Variants in SLC18A1 observed in about 807,000 individuals in gnomAD.
SLC18A1 encodes chromaffin granule amine transporter.
A neutral mutation model predicts 53.7 loss-of-function variants in SLC18A1; 69 were observed. The observed-to-expected ratio is 1.28, with a 90% confidence interval of 1.06 to 1.57. SLC18A1 has a LOEUF of 1.57. Among genes scored for constraint, SLC18A1 ranks in the 40% most tolerant of loss-of-function variants. SLC18A1 has a pLI of 0.00. For synonymous variants in SLC18A1, 320 were observed against 248.1 expected, an observed-to-expected ratio of 1.29 and a Z score of -2.72; for missense variants, 932 against 668.1, an observed-to-expected ratio of 1.40 and a Z score of -4.35.
chr8:20,175,017 C>T (rs763394985), intron 4 of SLC18A1, among the ~76,000 whole-genome samples: 7 of 152,242 alleles, frequency 4.6e-5, no homozygotes, highest in Admixed American at 1.3e-4. Flanking sequence ...ATACTGAATG[C>T]GCAGCTCTGC....
rs373676006 is a variant in SLC18A1, at chr8:20,150,681, G to A, written c.1079C>T (p.Ala360Val). 1 of 1,613,990 alleles carries A rather than the reference G, an allele frequency of 6.2e-7. No individual in the cohort carries two copies. Among genetic ancestry groups the A allele is most frequent in the Non-Finnish European group, 8.5e-7 (1 of 1,179,954 alleles). ...LIGTNLFGVL[A>V]NKMGRWLCSL... is the part of the protein sequence containing the mutation. ...GGCTACATACCGACCCATCTTGTTG[G>A]CCAACACACCAAAGAGGTTGGTGCC... Residue 360 changes from alanine to valine, a missense_variant, in exon 11 of 16, where the codon GCC becomes GTC. Transcript: ENST00000276373.
rs547453413 is a variant in SLC18A1 at position 20,178,606 on chromosome 8, A to G, written c.489-113T>C. 22 of 753,016 alleles carry G rather than the reference A, an allele frequency of 2.9e-5. No individual in the cohort carries two copies. The South Asian group carries it at 3.7e-4, about 13-fold the overall frequency. 46.6% of individuals were successfully genotyped at this position (753,016 alleles called of 1,614,324 possible). On this transcript the variant is annotated intron_variant, in intron 3 of 15. Transcript: ENST00000276373. ...AATGCAGCTATTTGGGTGTATGGTA[A>G]AACATGCCTCTGAATGTAGTGTGGA...
chr8:20,166,330 T>TAC (rs200804981), intron 8 of SLC18A1, among the ~76,000 whole-genome samples: 15 of 77,986 alleles, frequency 1.9e-4, no homozygotes, highest in African/African-American at 7.9e-4. Flanking sequence ...TATATATATA[T>TAC]ACACCACCAG....
chr8:20,171,404 C>T lies in SLC18A1; in HGVS notation c.814+1G>A, dbSNP rs1375260858. 2 of 1,612,254 alleles carry T rather than the reference C, an allele frequency of 1.2e-6. No individual in the cohort carries two copies. Among genetic ancestry groups the T allele is most frequent in the Non-Finnish European group, 1.7e-6 (2 of 1,178,328 alleles). ...TGCTGGAGGCTCTGATGGTGACTTA[C>T]CTCCATCCAGTAGTGCCAGGAAGGC... is the stretch of plus-strand genomic sequence containing the variant. On this transcript the variant is annotated splice_donor_variant, in intron 7 of 15. Coordinates refer to ENST00000276373, the MANE Select transcript of SLC18A1 (RefSeq NM_003053.4). LOFTEE classifies it high-confidence loss of function.
chr8:20,171,042 T>C (rs7828538), intron 8 of SLC18A1, 61 bp downstream of exon 8: 295,211 of 1,529,986 alleles, frequency 0.19, 29,952 homozygotes, highest in Non-Finnish European at 0.2. Context: ...CAGGCATGCC[T>C]GGGTTCCTGC....
intron 5 of SLC18A1, among the ~76,000 whole-genome samples, chr8:20,174,015 G>GCCT: frequency 6.6e-6 from 1 of 150,816 alleles, no homozygotes; most frequent in Non-Finnish European, 1.5e-5. Context: ...TCCCACTTTA[G>GCCT]CCTCCCAAGT....
At chr8:20,149,353 C>A (rs895761418) in intron 12 of SLC18A1, among the ~76,000 whole-genome samples, 1 of 152,040 alleles carries the variant, frequency 6.6e-6, no homozygotes, top group African/African-American at 2.4e-5. Flanking sequence ...ACATGTATCA[C>A]TTCATATGCC....
In SLC18A1 at chr8:20,178,463, G is replaced by C. The variant is rs188888362; in HGVS notation, c.519C>G (p.Gly173=). Residue 173 remains glycine (G), a synonymous_variant, in exon 4 of 16, where the codon GGC becomes GGG. Transcript: ENST00000276373. The part of the protein sequence containing the change: ...RIGYHIPMFA[G]FVIMFLSTVM... Reference sequence around the variant, plus strand: ...CTGTGGAGAGAAACATGATAACAAAGCCAGCAAACATGGGGATATGATATC... The same window carrying C: ...CTGTGGAGAGAAACATGATAACAAACCCAGCAAACATGGGGATATGATATC... 1 of 1,608,924 alleles carries C rather than the reference G, an allele frequency of 6.2e-7. No homozygotes were observed. The highest frequency in any genetic ancestry group is 1.3e-5 in the African/African-American group (1 of 74,488).
chr8:20,171,866 T>G (rs1449981403), intron 6 of SLC18A1, among the ~76,000 whole-genome samples: 2 of 152,080 alleles, frequency 1.3e-5, no homozygotes, highest in Admixed American at 6.5e-5. Context: ...GTAGAGTATC[T>G]GGAGGGGAAG....
intron 10 of SLC18A1, 169 bp from the exon 11 acceptor site, chr8:20,150,913 C>T (rs2071536673): frequency 1.6e-6 from 1 of 615,968 alleles, no homozygotes. Flanking sequence ...GCCATAGGAC[C>T]CCCACACCTC....
intron 10 of SLC18A1, among the ~76,000 whole-genome samples, chr8:20,163,525 G>A (rs1353750456): frequency 1.3e-5 from 2 of 152,070 alleles, no homozygotes; most frequent in Non-Finnish European, 2.9e-5. Flanking sequence ...GCACTCAGAG[G>A]CAGACTACAC....
chr8:20,149,621 T>A (rs1306858295), intron 12 of SLC18A1, 55 bp downstream of exon 12: 2 of 1,394,720 alleles, frequency 1.4e-6, no homozygotes, highest in African/African-American at 2.8e-5. Context: ...TCTCTCTGTC[T>A]GTCTGTCTCT....
intron 11 of SLC18A1, 78 bp downstream of exon 11, chr8:20,150,588 T>A: frequency 8.1e-7 from 1 of 1,240,822 alleles, no homozygotes; most frequent in Admixed American, 1.7e-5. Flanking sequence ...TGGAAGCTGT[T>A]CATCATTCCA....
rs2071369420 is a variant in SLC18A1 at position 20,145,408 on chromosome 8, T to C, written c.*355A>G. The C allele has an allele frequency of 6.0e-6, 1 of 167,248 alleles. No homozygotes were observed. Among genetic ancestry groups the C allele is most frequent in the Non-Finnish European group, 1.3e-5 (1 of 78,312 alleles). The allele number at this position is 167,248 out of a possible 1,614,324, so 10.4% of individuals were successfully genotyped here. A position where few individuals can be genotyped will look rare whatever the true frequency, so the allele number is the denominator to read the frequency against. On this transcript the variant is annotated 3_prime_UTR_variant, in exon 16 of 16. Transcript: ENST00000276373. ...TCAGGCAACAGATTAAAGAGGCTTG[T>C]CAGTCACCCCACTGGTTTCAGGGGC...
intron 10 of SLC18A1, among the ~76,000 whole-genome samples, chr8:20,161,096 T>C (rs1413525023): frequency 6.6e-6 from 1 of 152,192 alleles, no homozygotes; most frequent in Non-Finnish European, 1.5e-5. Context: ...ATTCATGTCC[T>C]TGTCACAATG....
At chr8:20,176,968 T>C (rs2072267614) in intron 4 of SLC18A1, among the ~76,000 whole-genome samples, 1 of 152,196 alleles carries the variant, frequency 6.6e-6, no homozygotes, top group African/African-American at 2.4e-5. Flanking sequence ...GCAACCATCA[T>C]ATACACTTCT....
At chr8:20,162,627 T>G (rs536176654) in intron 10 of SLC18A1, among the ~76,000 whole-genome samples, 2 of 152,358 alleles carry the variant, frequency 1.3e-5, no homozygotes, top group African/African-American at 4.8e-5. Flanking sequence ...GATACAAGTC[T>G]GCCAAGTTTT....
chr8:20,171,519 T>C, intron 6 of SLC18A1, 25 bp from the exon 7 acceptor site: 2 of 1,568,792 alleles, frequency 1.3e-6, no homozygotes, highest in Non-Finnish European at 1.8e-6. Flanking sequence ...GAGACACAGA[T>C]TCCAGAGGTG....
chr8:20,155,547 C>A (rs539148416), intron 10 of SLC18A1, among the ~76,000 whole-genome samples: 1 of 152,324 alleles, frequency 6.6e-6, no homozygotes, highest in South Asian at 2.1e-4. Context: ...CAGTCAAGAT[C>A]ATGATGCAAC....
Sources: allele counts gnomAD v4.1 joint callset (sites outside exome capture counted in the v4.1 genomes callset), GRCh38; gene constraint gnomAD v4.1.1; transcripts MANE v1.5; gene names NCBI Gene and HGNC (gene_info 2026-07-23, HGNC 2026-07-21).